The following TCF25 variants were observed in gnomAD, a reference collection of about 807,000 sequenced individuals.
The protein encoded by TCF25 is ribosome quality control complex subunit TCF25.
Under a neutral mutation model 83.1 loss-of-function variants are expected in TCF25, and 41 were observed. The observed-to-expected ratio is 0.49, with a 90% CI of 0.38 to 0.64. The LOEUF (loss-of-function observed/expected upper bound fraction) is 0.64. Ranked by LOEUF, TCF25 falls within the 30% of genes least tolerant of loss-of-function variation. The probability of loss-of-function intolerance (pLI) is 0.00; values close to 1 mark genes in which losing one functional copy is unlikely to be tolerated. For synonymous variants in TCF25, 458 were observed against 365.0 expected (o/e 1.25, Z -2.90); for missense variants, 979 against 914.5 (o/e 1.07, Z -0.91).
chr16:89,904,914 C>G (rs1234899171), intron 13 of TCF25, 24 bp from the exon 14 acceptor site: 1 of 1,593,582 alleles, frequency 6.3e-7, no homozygotes. Context: ...AGGGGTTCTG[C>G]TCAGAGCCCT....
At chr16:89,894,384 A>G (rs1179936555) in intron 7 of TCF25, among the ~76,000 whole-genome samples, 1 of 142,708 alleles carries the variant, frequency 7.0e-6, no homozygotes, top group Non-Finnish European at 1.5e-5. Flanking sequence ...GCGCAGCCCC[A>G]GACAGCCCCC....
intron 1 of TCF25, among the ~76,000 whole-genome samples, chr16:89,879,016 T>C (rs2042394586): frequency 6.6e-6 from 1 of 152,222 alleles, no homozygotes; most frequent in South Asian, 2.1e-4. Flanking sequence ...CAGCAAATCA[T>C]GTGTCATCAC....
chr16:89,882,300 T>C (rs2042667199), intron 1 of TCF25, among the ~76,000 whole-genome samples: 1 of 152,204 alleles, frequency 6.6e-6, no homozygotes. Flanking sequence ...TTTGGGAGGC[T>C]GAGGCAGGAG....
chr16:89,904,991 T>C lies in TCF25; in HGVS notation c.1523T>C (p.Phe508Ser). 1 of 1,607,864 alleles carries C rather than the reference T, an allele frequency of 6.2e-7. No homozygotes were observed. Among genetic ancestry groups the C allele is most frequent in the South Asian group, 1.1e-5 (1 of 89,948 alleles). Reference protein sequence around the residue: ...LVNLYLGRSHFLWKEPATMSW... With the variant: ...LVNLYLGRSHSLWKEPATMSW... ...AACCTGTACCTTGGGAGGTCACACT[T>C]TCTCTGGAAAGAGCCCGCCACCATG... The change falls in exon 14 of 18, where the codon TTT becomes TCT. Residue 508 changes from phenylalanine to serine, a missense_variant. Physicochemically the swap from Phe to Ser is radical, Grantham distance 155. Coordinates refer to ENST00000263346, the MANE Select transcript of TCF25 (RefSeq NM_014972.3).
chr16:89,906,219 CCCAGGAATAT>C lies in TCF25; in HGVS notation c.1658_1667del (p.Arg553ThrfsTer4). Reference sequence around the variant, plus strand: ...GCGGAAGGTGCTCTACCAGCGTGCACCCAGGAATATCCACCGCCATGTGATCCTCTCTGAG... The same window carrying C: ...GCGGAAGGTGCTCTACCAGCGTGCACCCACCGCCATGTGATCCTCTCTGAG... On this transcript the variant is annotated frameshift_variant, in exon 15 of 18. Coordinates refer to ENST00000263346, the MANE Select transcript of TCF25 (RefSeq NM_014972.3). LOFTEE classifies it high-confidence loss of function. The C allele has an allele frequency of 6.2e-7, 1 of 1,613,440 alleles. No individual in the cohort carries two copies. Among genetic ancestry groups the C allele is most frequent in the Non-Finnish European group, 8.5e-7 (1 of 1,179,988 alleles).
At position 89,885,884 on chromosome 16, in the gene TCF25, A is replaced by C; in HGVS notation, c.466A>C (p.Arg156=). The change falls in exon 4 of 18, where the codon AGG becomes CGG. Residue 156 remains arginine, a synonymous_variant. Transcript: ENST00000263346. ...GLEDIDRILE[R]IEDSTGLNRP... ...AGAAGATATCGATCGCATCCTAGAG[A>C]GGATTGAGGACAGCACTGGGTTGAA... 6.2e-7 allele frequency: 1 copy of C among 1,614,054 alleles called. No individual in the cohort carries two copies. The highest frequency in any genetic ancestry group is 1.1e-5 in the South Asian group (1 of 91,080).
rs190502201 is a variant in TCF25 at position 89,896,055 on chromosome 16, C to T, written c.994C>T (p.Arg332Trp). ...PLFSLTSGACRLDYRRPENRS... is the reference protein window; with the variant it reads ...PLFSLTSGACWLDYRRPENRS... ...GTTCAGTCTCACCAGTGGGGCCTGC[C>T]GGCTGGATTACCGCAGACCCGAGAA... Residue 332 changes from arginine (R) to tryptophan (W), a missense_variant, in exon 9 of 18, where the codon CGG becomes TGG. Coordinates refer to ENST00000263346, the MANE Select transcript of TCF25 (RefSeq NM_014972.3). The T allele has an allele frequency of 8.7e-6, 14 of 1,613,678 alleles. No individual in the cohort carries two copies. The highest frequency in any genetic ancestry group is 5.0e-5 in the Admixed American group (3 of 60,002).
At chr16:89,875,360 C>G (rs2143880668) in intron 1 of TCF25, among the ~76,000 whole-genome samples, 1 of 151,928 alleles carries the variant, frequency 6.6e-6, no homozygotes, top group South Asian at 2.1e-4. Context: ...CTCGTGGAAG[C>G]TTGCTATCGA....
intron 16 of TCF25, among the ~76,000 whole-genome samples, chr16:89,908,560 C>T (rs1275933168): frequency 2.2e-5 from 3 of 137,332 alleles, no homozygotes; most frequent in African/African-American, 8.1e-5. Context: ...CTTCCAGTTC[C>T]CACCTCTTTC....
intron 1 of TCF25, chr16:89,878,588 C>A: frequency 8.6e-7 from 1 of 1,165,394 alleles, no homozygotes; most frequent in South Asian, 1.6e-5. Flanking sequence ...AAATGTTCCC[C>A]ATTTGAGACC....
At chr16:89,907,934 TTCCCAGC>T (rs1184505235) in intron 16 of TCF25, among the ~76,000 whole-genome samples, 1 of 16,416 alleles carries the variant, frequency 6.1e-5, no homozygotes, top group Non-Finnish European at 1.1e-4. Context: ...CTCCTCCCAG[TTCCCAGC>T]TCCCACCTCC....
intron 6 of TCF25, among the ~76,000 whole-genome samples, chr16:89,892,922 C>T (rs572861986): frequency 6.6e-6 from 1 of 152,314 alleles, no homozygotes; most frequent in African/African-American, 2.4e-5. Flanking sequence ...GCCATGGCTC[C>T]CACGGCCGCT....
At chr16:89,890,489 G>T (rs1040172491) in intron 5 of TCF25, 3 of 152,212 alleles carry the variant, frequency 2.0e-5, no homozygotes, top group Non-Finnish European at 4.4e-5. Flanking sequence ...GGTTTTGATT[G>T]TGGGTAGATC....
rs1421824168 is a variant in TCF25, at chr16:89,895,142, G to C, written c.928+5G>C. On this transcript the variant is annotated splice_donor_5th_base_variant and intron_variant, in intron 8 of 17. Transcript: ENST00000263346. ...AGATGGCTCGAGACCTCGTAGGTAAGGCAGAGCCCCCACCCCATTCCCCTC... is the reference window on the plus strand; with the variant it reads ...AGATGGCTCGAGACCTCGTAGGTAACGCAGAGCCCCCACCCCATTCCCCTC... The C allele has an allele frequency of 4.3e-6, 7 of 1,611,412 alleles. No homozygotes were observed. Among genetic ancestry groups the C allele is most frequent in the Non-Finnish European group, 5.1e-6 (6 of 1,178,872 alleles).
intron 7 of TCF25, among the ~76,000 whole-genome samples, chr16:89,894,229 G>A (rs553484006): frequency 2.0e-4 from 30 of 151,888 alleles, no homozygotes; most frequent in Non-Finnish European, 3.7e-4. Flanking sequence ...TGCAGCCCCC[G>A]GACGGCCCCC....
chr16:89,878,581 T>G (rs370989226), intron 1 of TCF25: 20 of 1,171,742 alleles, frequency 1.7e-5, no homozygotes, highest in Non-Finnish European at 2.0e-5. Flanking sequence ...CCTTGTGAAA[T>G]GTTCCCCATT....
chr16:89,878,005 TG>T (rs2042320168), intron 1 of TCF25, among the ~76,000 whole-genome samples: 1 of 152,150 alleles, frequency 6.6e-6, no homozygotes, highest in Admixed American at 6.6e-5. Flanking sequence ...AGGCTAGGGT[TG>T]GTGGCTGACA....
rs34444102 is a variant in TCF25 at position 89,888,840 on chromosome 16, ATT to A, written c.614+1148_614+1149del. Among the ~76,000 whole-genome samples, 325 of 109,894 alleles carry A rather than the reference ATT, an allele frequency of 3.0e-3. 2 individuals carry two copies. The highest frequency in any genetic ancestry group is 0.012 in the African/African-American group (305 of 25,594). The allele number at this position is 109,894 out of a possible 152,430, so 72.1% of individuals were successfully genotyped here. A position where few individuals can be genotyped will look rare whatever the true frequency, so the allele number is the denominator to read the frequency against. ...AGGTGCACGCCACCACGCCCAGCTA[ATT>A]TTTTTTTTTTTTTTTTTTTTTTTTA... On this transcript the variant is annotated intron_variant, in intron 5 of 17. Transcript: ENST00000263346.
Position 89,904,200 on chromosome 16 carries a change from A to G in TCF25, c.1464A>G (p.Glu488=), listed in dbSNP as rs778154362. 9.5e-6 allele frequency: 15 copies of G among 1,570,922 alleles called. No individual in the cohort carries two copies. The African/African-American group carries it at 2.0e-4, about 21-fold the overall frequency. ...ACCGCTTCTTTGGACCCAATGCTGA[A>G]ATAAGGTAAAGAGTGGCTGGTGGTG... The part of the protein sequence containing the change: ...SSHRFFGPNA[E]ISQPPALSQL... Residue 488 remains glutamate, a synonymous_variant, in exon 13 of 18, where the codon GAA becomes GAG. Coordinates refer to ENST00000263346, the MANE Select transcript of TCF25 (RefSeq NM_014972.3).
Sources: gnomAD v4.1 joint callset for allele counts (sites outside exome capture counted in the v4.1 genomes callset) on GRCh38, gnomAD v4.1.1 for gene constraint, MANE v1.5 for transcripts, NCBI Gene and HGNC (gene_info 2026-07-23, HGNC 2026-07-21) for gene names.